The following SH3KBP1 variants were observed in gnomAD, a reference collection of about 807,000 sequenced individuals.
The protein encoded by SH3KBP1 is SH3 domain-containing kinase-binding protein 1.
Under a neutral mutation model 50.1 loss-of-function variants are expected in SH3KBP1, and 8 were observed. That is an observed-to-expected ratio of 0.16 (90% CI 0.09 to 0.29). SH3KBP1 has a LOEUF of 0.29. SH3KBP1 is among the 10% of genes least tolerant of loss of function. The pLI, the probability that SH3KBP1 is intolerant of heterozygous loss-of-function variation, is 1.00. For synonymous variants in SH3KBP1, 227 were observed against 218.6 expected (o/e 1.04, Z -0.34); for missense variants, 377 against 535.2 (o/e 0.70, Z 2.92).
chrX:19,687,248 G>C (rs2063187076), intron 5 of SH3KBP1, among the ~76,000 whole-genome samples: 1 of 112,720 alleles, frequency 8.9e-6, no homozygotes, highest in African/African-American at 3.2e-5. Flanking sequence ...CAATAACCAT[G>C]AGAGGTTGAC....
intron 2 of SH3KBP1, among the ~76,000 whole-genome samples, chrX:19,750,871 A>T (rs1037875205): frequency 8.9e-6 from 1 of 111,912 alleles, no homozygotes; most frequent in African/African-American, 3.3e-5. Context: ...ATTTTTATAC[A>T]TAAGAATAGT....
Position 19,887,501 on chromosome X carries a change from T to TGCC in SH3KBP1, c.-194_-192dup, listed in dbSNP as rs1190370916. 7.2e-6 allele frequency: 2 copies of TGCC among 276,215 alleles called. No individual in the cohort carries two copies. Among genetic ancestry groups the TGCC allele is most frequent in the African/African-American group, 6.1e-5 (2 of 32,564 alleles). The allele number at this position is 276,215 out of a possible 1,213,427, so 22.8% of individuals were successfully genotyped here. ...CGCCCGCTGCTGCCTCTGCTGCTGCTGCCGCTGCTGCCCCGGGGCGACTCC... is the reference window on the plus strand; with the variant it reads ...CGCCCGCTGCTGCCTCTGCTGCTGCTGCCGCCGCTGCTGCCCCGGGGCGACTCC... On this transcript the variant is annotated 5_prime_UTR_variant, in exon 1 of 18. Coordinates refer to ENST00000397821, the MANE Select transcript of SH3KBP1 (RefSeq NM_031892.3).
At chrX:19,742,468 G>T (rs1330252762) in intron 3 of SH3KBP1, among the ~76,000 whole-genome samples, 1 of 111,473 alleles carries the variant, frequency 9.0e-6, no homozygotes. Flanking sequence ...AAAATCCACT[G>T]TTCATTTTCA....
chrX:19,542,319 T>C (rs1335135607), intron 15 of SH3KBP1, 126 bp from the exon 16 acceptor site: 1 of 699,402 alleles, frequency 1.4e-6, no homozygotes, highest in Non-Finnish European at 2.0e-6. Flanking sequence ...CATTCACTTG[T>C]TCCTTCATCC....
At chrX:19,751,324 T>G (rs1232328167) in intron 2 of SH3KBP1, among the ~76,000 whole-genome samples, 1 of 111,251 alleles carries the variant, frequency 9.0e-6, no homozygotes. Flanking sequence ...TGGGGGTTCC[T>G]AGACCCCCGT....
intron 1 of SH3KBP1, among the ~76,000 whole-genome samples, chrX:19,881,305 CAGAAGGGGCAGG>C (rs1053236064): frequency 8.1e-5 from 9 of 111,737 alleles, no homozygotes; most frequent in Admixed American, 3.8e-4. Flanking sequence ...GACTGTACAT[CAGAAGGGGCAGG>C]GAAAGGGGAA....
chrX:19,618,271 C>T (rs2067679431), intron 8 of SH3KBP1, among the ~76,000 whole-genome samples: 1 of 107,631 alleles, frequency 9.3e-6, no homozygotes, highest in South Asian at 4.1e-4. Flanking sequence ...GTAATCCCAG[C>T]TACTCAGAAG....
chrX:19,692,488 CAACTCAGT>C (rs1280577379), intron 5 of SH3KBP1, among the ~76,000 whole-genome samples: 1 of 109,566 alleles, frequency 9.1e-6, no homozygotes, highest in Non-Finnish European at 1.9e-5. Context: ...ACACAAAATT[CAACTCAGT>C]AACTACTTCA....
At chrX:19,566,303 G>GCCCC (rs144848901) in intron 13 of SH3KBP1, among the ~76,000 whole-genome samples, 2 of 95,625 alleles carry the variant, frequency 2.1e-5, no homozygotes, top group African/African-American at 4.0e-5. Context: ...AGGTGAACCC[G>GCCCC]CCCCCCCATC....
chrX:19,534,854 G>A lies in SH3KBP1; in HGVS notation c.*1563C>T. 1 of 297,000 alleles carries A rather than the reference G, an allele frequency of 3.4e-6. No individual in the cohort carries two copies. The highest frequency in any genetic ancestry group is 5.9e-6 in the Non-Finnish European group (1 of 170,221). 24.5% of individuals were successfully genotyped at this position (297,000 alleles called of 1,213,427 possible). On this transcript the variant is annotated 3_prime_UTR_variant, in exon 18 of 18. Coordinates refer to ENST00000397821, the MANE Select transcript of SH3KBP1 (RefSeq NM_031892.3). ...AGAGGAAGGCAGGGGGAGGAAGGGA[G>A]GAAGAGAAAGGAAGAGACATTTATT...
At chrX:19,540,368 C>A (rs369784309) in intron 16 of SH3KBP1, among the ~76,000 whole-genome samples, 44 of 110,999 alleles carry the variant, frequency 4.0e-4, no homozygotes, top group African/African-American at 1.4e-3. Flanking sequence ...TTACTCAAAG[C>A]GAATTCCATG....
At chrX:19,646,300 T>C (rs1211996001) in intron 6 of SH3KBP1, among the ~76,000 whole-genome samples, 2 of 112,086 alleles carry the variant, frequency 1.8e-5, no homozygotes, top group African/African-American at 6.5e-5. Context: ...GACTGGATCT[T>C]ATCTCTGCCT....
intron 6 of SH3KBP1, chrX:19,670,484 G>A (rs981116963): frequency 1.0e-5 from 4 of 396,662 alleles, no homozygotes; most frequent in East Asian, 2.0e-4. Flanking sequence ...TCTGTGACAT[G>A]GTGTAACAGT....
chrX:19,840,027 C>A (rs2068178345), intron 1 of SH3KBP1, among the ~76,000 whole-genome samples: 1 of 112,393 alleles, frequency 8.9e-6, no homozygotes, highest in Admixed American at 9.4e-5. Context: ...TTAAAAGATC[C>A]TGTGGTTAAT....
At chrX:19,562,339 CA>C (rs754813223) in intron 13 of SH3KBP1, among the ~76,000 whole-genome samples, 53 of 110,736 alleles carry the variant, frequency 4.8e-4, no homozygotes, top group Middle Eastern at 9.4e-3. Flanking sequence ...AGCCAGGGGA[CA>C]GGGGGAGGGG....
intron 2 of SH3KBP1, among the ~76,000 whole-genome samples, chrX:19,767,437 C>G (rs2065653155): frequency 8.9e-6 from 1 of 112,579 alleles, no homozygotes; most frequent in African/African-American, 3.2e-5. Flanking sequence ...AGGAAACATG[C>G]TCAGCTGAAT....
chrX:19,534,906 T>C lies in SH3KBP1; in HGVS notation c.*1511A>G. On this transcript the variant is annotated 3_prime_UTR_variant, in exon 18 of 18. Transcript: ENST00000397821. Reference sequence around the variant, plus strand: ...GTAATACTATCAATGATCAGTAATGTGATTTTTTGTTTTTGCATCACTTCT... The same window carrying C: ...GTAATACTATCAATGATCAGTAATGCGATTTTTTGTTTTTGCATCACTTCT... 3.4e-6 allele frequency: 1 copy of C among 297,836 alleles called. No homozygotes were observed. The highest frequency in any genetic ancestry group is 5.9e-6 in the Non-Finnish European group (1 of 170,393). The allele number at this position is 297,836 out of a possible 1,213,427, so 24.5% of individuals were successfully genotyped here.
chrX:19,629,438 G>A (rs1437993043), intron 8 of SH3KBP1, among the ~76,000 whole-genome samples: 2 of 112,031 alleles, frequency 1.8e-5, no homozygotes, highest in Non-Finnish European at 3.8e-5. Flanking sequence ...GGGATGAAGT[G>A]GGTAGGGGAC....
intron 1 of SH3KBP1, among the ~76,000 whole-genome samples, chrX:19,885,559 A>G (rs904472683): frequency 9.0e-6 from 1 of 111,603 alleles, no homozygotes; most frequent in Non-Finnish European, 1.9e-5. Flanking sequence ...AATCTGAAAA[A>G]TAGGTCTGAT....
Sources: allele counts gnomAD v4.1 joint callset (sites outside exome capture counted in the v4.1 genomes callset), GRCh38; gene constraint gnomAD v4.1.1; transcripts MANE v1.5; gene names NCBI Gene and HGNC (gene_info 2026-07-23, HGNC 2026-07-21).